The following TRABD2B variants were observed in gnomAD, a reference collection of about 807,000 sequenced individuals.
TRABD2B encodes the protein TraB domain containing 2B.
In TRABD2B, 14 loss-of-function variants were observed where a neutral mutation model predicts 40.1. The observed-to-expected ratio is 0.35, with a 90% CI of 0.23 to 0.55. The LOEUF (loss-of-function observed/expected upper bound fraction) is 0.55. Ranked by LOEUF, TRABD2B falls within the 20% of genes least tolerant of loss-of-function variation. The pLI, the probability that TRABD2B is intolerant of heterozygous loss-of-function variation, is 0.90. For missense variants in TRABD2B, 541 were observed against 648.6 expected (o/e 0.83, Z 1.80); for synonymous variants, 263 against 277.0 (o/e 0.95, Z 0.50).
chr1:47,867,518 A>G (rs1415795370), intron 2 of TRABD2B, among the ~76,000 whole-genome samples: 1 of 152,210 alleles, frequency 6.6e-6, no homozygotes, highest in Non-Finnish European at 1.5e-5. Context: ...TGAGAAGGAC[A>G]GAGGGAGTGA....
intron 2 of TRABD2B, among the ~76,000 whole-genome samples, chr1:47,953,440 T>C (rs1352587770): frequency 6.6e-6 from 1 of 152,172 alleles, no homozygotes; most frequent in African/African-American, 2.4e-5. Context: ...ACATGGTCCT[T>C]TGCTTTTAAA....
At chr1:47,941,315 C>T (rs1003676479) in intron 2 of TRABD2B, among the ~76,000 whole-genome samples, 1 of 152,200 alleles carries the variant, frequency 6.6e-6, no homozygotes, top group African/African-American at 2.4e-5. Flanking sequence ...CTGATAAGCA[C>T]ACACGTGCAT....
intron 2 of TRABD2B, among the ~76,000 whole-genome samples, chr1:47,849,950 C>G (rs1288041061): frequency 6.6e-6 from 1 of 152,248 alleles, no homozygotes; most frequent in Admixed American, 6.5e-5. Context: ...GAAGAAGCTG[C>G]AGCCCCAGCC....
chr1:47,898,336 A>C (rs1033380090), intron 2 of TRABD2B, among the ~76,000 whole-genome samples: 1 of 152,094 alleles, frequency 6.6e-6, no homozygotes, highest in Admixed American at 6.5e-5. Flanking sequence ...CTGCCCTCTC[A>C]CTTAGGTGCC....
In TRABD2B at chr1:47,760,777, G is replaced by A. The variant is rs1644235772; in HGVS notation, c.*5125C>T. 1 of 152,222 alleles carries A rather than the reference G, an allele frequency of 6.6e-6. No individual in the cohort carries two copies. The highest frequency in any genetic ancestry group is 6.5e-5 in the Admixed American group (1 of 15,288). 9.4% of individuals were successfully genotyped at this position (152,222 alleles called of 1,614,324 possible). ...CTCTGTGAGGCTCAAGAATGGGGCA[G>A]GGGCTCTGGCTTCCTCTGTTCTGGG... On this transcript the variant is annotated 3_prime_UTR_variant, in exon 7 of 7. Transcript: ENST00000606738.
At chr1:47,916,858 A>C (rs1644836749) in intron 2 of TRABD2B, among the ~76,000 whole-genome samples, 1 of 152,220 alleles carries the variant, frequency 6.6e-6, no homozygotes, top group Non-Finnish European at 1.5e-5. Flanking sequence ...TCCCCAGTGT[A>C]TGAACTGACT....
At chr1:47,845,810 T>A (rs139461482) in intron 2 of TRABD2B, among the ~76,000 whole-genome samples, 1 of 152,232 alleles carries the variant, frequency 6.6e-6, no homozygotes, top group African/African-American at 2.4e-5. Flanking sequence ...TACCTCCTAA[T>A]GTGTTTAGTC....
intron 2 of TRABD2B, among the ~76,000 whole-genome samples, chr1:47,822,638 T>C (rs1006087999): frequency 1.6e-4 from 24 of 152,370 alleles, no homozygotes; most frequent in African/African-American, 5.5e-4. Flanking sequence ...ATACATACTA[T>C]GCTTTTCATT....
intron 2 of TRABD2B, among the ~76,000 whole-genome samples, chr1:47,803,875 C>G (rs540199692): frequency 6.6e-6 from 1 of 152,176 alleles, no homozygotes; most frequent in African/African-American, 2.4e-5. Flanking sequence ...TAAATCTAGC[C>G]CCTACAACTT....
At chr1:47,988,026 G>A (rs946663099) in intron 2 of TRABD2B, among the ~76,000 whole-genome samples, 2 of 152,112 alleles carry the variant, frequency 1.3e-5, no homozygotes, top group African/African-American at 4.8e-5. Context: ...GGGGCCTCGG[G>A]GAAGGCTTGC....
At chr1:47,967,908 T>C (rs1243003848) in intron 2 of TRABD2B, among the ~76,000 whole-genome samples, 1 of 152,264 alleles carries the variant, frequency 6.6e-6, no homozygotes, top group Admixed American at 6.5e-5. Context: ...GTTATAACTT[T>C]TTATCCAGAT....
intron 2 of TRABD2B, among the ~76,000 whole-genome samples, chr1:47,855,539 C>T (rs1643881817): frequency 6.6e-6 from 1 of 152,232 alleles, no homozygotes. Flanking sequence ...AAGATTTACC[C>T]ATGTTGACAC....
chr1:47,918,731 C>T (rs529620960), intron 2 of TRABD2B, among the ~76,000 whole-genome samples: 1 of 152,318 alleles, frequency 6.6e-6, no homozygotes, highest in Admixed American at 6.5e-5. Context: ...CCCAGCCAGA[C>T]TCATACCATT....
intron 2 of TRABD2B, among the ~76,000 whole-genome samples, chr1:47,842,846 T>G (rs1645417551): frequency 6.6e-6 from 1 of 152,304 alleles, no homozygotes; most frequent in African/African-American, 2.4e-5. Flanking sequence ...TGATAACCCC[T>G]GTGGACAAAC....
intron 2 of TRABD2B, among the ~76,000 whole-genome samples, chr1:47,885,879 T>G (rs1644364409): frequency 6.6e-6 from 1 of 152,234 alleles, no homozygotes; most frequent in Admixed American, 6.5e-5. Flanking sequence ...AATGACAGTC[T>G]CATGCTCCGT....
intron 2 of TRABD2B, among the ~76,000 whole-genome samples, chr1:47,959,227 A>G (rs1390012999): frequency 1.3e-5 from 2 of 152,204 alleles, no homozygotes; most frequent in Non-Finnish European, 2.9e-5. Flanking sequence ...GTAGAGGGAA[A>G]TTTATAGCAC....
At chr1:47,966,269 C>T (rs1184184193) in intron 2 of TRABD2B, among the ~76,000 whole-genome samples, 1 of 145,352 alleles carries the variant, frequency 6.9e-6, no homozygotes, top group African/African-American at 2.5e-5. Flanking sequence ...TCCAATGTGA[C>T]TCTGGAAGGC....
chr1:47,921,304 C>A (rs1004028515), intron 2 of TRABD2B, among the ~76,000 whole-genome samples: 10 of 152,162 alleles, frequency 6.6e-5, no homozygotes, highest in Non-Finnish European at 1.2e-4. Flanking sequence ...TCCAAAGACA[C>A]AAATATGCAA....
chr1:47,913,140 G>C (rs756718978), intron 2 of TRABD2B, among the ~76,000 whole-genome samples: 8 of 152,164 alleles, frequency 5.3e-5, no homozygotes, highest in Non-Finnish European at 1.2e-4. Flanking sequence ...AGACTTTTGG[G>C]GAAAATGACT....
Sources: gnomAD v4.1 joint callset for allele counts (sites outside exome capture counted in the v4.1 genomes callset) on GRCh38, gnomAD v4.1.1 for gene constraint, MANE v1.5 for transcripts, NCBI Gene and HGNC (gene_info 2026-07-23, HGNC 2026-07-21) for gene names.